CACNA1C: variants seen among roughly 807,000 people sequenced by gnomAD.
CACNA1C encodes the protein calcium voltage-gated channel subunit alpha1 C, also known as voltage-dependent L-type calcium channel subunit alpha-1C.
CACNA1C carries 30 observed loss-of-function variants against 229.0 expected under a neutral mutation model. The ratio of observed to expected loss-of-function variants is 0.13; its 90% CI spans 0.10 to 0.18. CACNA1C has a LOEUF of 0.18. Ranked by LOEUF, CACNA1C falls within the 10% of genes least tolerant of loss-of-function variation. The pLI is 1.00. For missense variants in CACNA1C, 1,658 were observed against 2,845.0 expected, an observed-to-expected ratio of 0.58 and a Z score of 9.49; for synonymous variants, 1,114 against 1,132.5, an observed-to-expected ratio of 0.98 and a Z score of 0.33.
At chr12:2,306,668 C>T (rs1471169918) in intron 3 of CACNA1C, among the ~76,000 whole-genome samples, 3 of 152,110 alleles carry the variant, frequency 2.0e-5, no homozygotes, top group Middle Eastern at 3.2e-3. Context: ...TTTCAAAGAA[C>T]GCTGGATAAA....
At chr12:2,138,105 C>T (rs148678524) in intron 3 of CACNA1C, among the ~76,000 whole-genome samples, 2 of 151,592 alleles carry the variant, frequency 1.3e-5, no homozygotes, top group East Asian at 3.9e-4. Flanking sequence ...GGGAAAACCC[C>T]AGGGCTTTTA....
At chr12:2,251,778 T>C (rs2075689404) in intron 3 of CACNA1C, among the ~76,000 whole-genome samples, 1 of 152,108 alleles carries the variant, frequency 6.6e-6, no homozygotes, top group Admixed American at 6.5e-5. Flanking sequence ...GAAGCGAAAA[T>C]GTTTCGGAAA....
At chr12:2,682,795 CAG>C in intron 43 of CACNA1C, 117 bp downstream of exon 43, 1 of 962,952 alleles carries the variant, frequency 1.0e-6, no homozygotes, top group Non-Finnish European at 1.4e-6. Flanking sequence ...GAGGAGATCA[CAG>C]AGAAAACATC....
At chr12:2,016,585 C>T (rs183532744) in intron 1 of CACNA1C, among the ~76,000 whole-genome samples, 58 of 152,230 alleles carry the variant, frequency 3.8e-4, no homozygotes, top group Admixed American at 1.2e-3. Context: ...GCTGCCACCA[C>T]GCCTGGCTAA....
chr12:2,223,709 T>C (rs1462530403), intron 3 of CACNA1C, among the ~76,000 whole-genome samples: 8 of 152,188 alleles, frequency 5.3e-5, no homozygotes, highest in Admixed American at 5.2e-4. Flanking sequence ...TATAGAGTTG[T>C]TTTGCCAGTG....
At chr12:2,341,502 CG>C (rs1478729555) in intron 3 of CACNA1C, among the ~76,000 whole-genome samples, 3 of 152,118 alleles carry the variant, frequency 2.0e-5, no homozygotes, top group African/African-American at 7.2e-5. Context: ...CAGTGCTGTG[CG>C]GGCCCTGCGT....
At chr12:2,301,599 T>C (rs2094565241) in intron 3 of CACNA1C, among the ~76,000 whole-genome samples, 1 of 152,198 alleles carries the variant, frequency 6.6e-6, no homozygotes, top group South Asian at 2.1e-4. Context: ...GAAGAAGTCC[T>C]CTTTAGAGCC....
chr12:2,680,322 A>G, intron 42 of CACNA1C: 1 of 1,408,162 alleles, frequency 7.1e-7, no homozygotes, highest in Non-Finnish European at 9.6e-7. Context: ...CTTACTCCTG[A>G]CTCACTCTTT....
At position 2,090,607 on chromosome 12, in the gene CACNA1C, C is replaced by T. The variant is rs540616532; in HGVS notation, c.50-24617C>T. On this transcript the variant is annotated intron_variant, in intron 1 of 46. Transcript: ENST00000399655. ...TGCTGGGATTACAGGCATGAGCCAC[C>T]GTGCCCAGCCACGGATAGATTATAT... Among the ~76,000 whole-genome samples, 9 of 152,224 alleles carry T rather than the reference C, an allele frequency of 5.9e-5. No individual in the cohort carries two copies. The South Asian group carries it at 8.3e-4, about 14-fold the overall frequency.
At chr12:2,592,217 A>G (rs554830926) in intron 18 of CACNA1C, among the ~76,000 whole-genome samples, 1 of 152,322 alleles carries the variant, frequency 6.6e-6, no homozygotes, top group Admixed American at 6.5e-5. Flanking sequence ...TTGAGCATTA[A>G]TTTACAGGCT....
intron 3 of CACNA1C, among the ~76,000 whole-genome samples, chr12:2,128,782 C>T (rs2091212687): frequency 6.6e-6 from 1 of 152,256 alleles, no homozygotes; most frequent in African/African-American, 2.4e-5. Flanking sequence ...TATGACTTCA[C>T]ACCATGTGCA....
Position 2,541,947 on chromosome 12 carries a change from C to T in CACNA1C, c.1391-7996C>T, listed in dbSNP as rs73046298. 6.1e-3 allele frequency among the ~76,000 whole-genome samples: 923 copies of T among 152,224 alleles called. 3 individuals carry two copies. Among genetic ancestry groups the T allele is most frequent in the South Asian group, 0.022 (104 of 4,822 alleles). On this transcript the variant is annotated intron_variant, in intron 9 of 46. Coordinates refer to ENST00000399655, the MANE Select transcript of CACNA1C (RefSeq NM_000719.7). The stretch of plus-strand genomic sequence containing the variant: ...TCATGACGCATAAAAAGCTCCGAGA[C>T]GGGGGCCTCAGGAACAGGCCGGATA...
At chr12:2,242,149 T>A (rs1022077007) in intron 3 of CACNA1C, among the ~76,000 whole-genome samples, 2 of 152,188 alleles carry the variant, frequency 1.3e-5, no homozygotes, top group Non-Finnish European at 2.9e-5. Flanking sequence ...CCAGCCATAC[T>A]TTGCTCTTGC....
chr12:2,004,344 G>A (rs1389363586), intron 1 of CACNA1C: 6 of 1,613,264 alleles, frequency 3.7e-6, no homozygotes, highest in African/African-American at 2.7e-5. Flanking sequence ...TCCACGATGC[G>A]GTTGATATAG....
At chr12:2,317,580 T>C (rs2154492313) in intron 3 of CACNA1C, among the ~76,000 whole-genome samples, 1 of 152,342 alleles carries the variant, frequency 6.6e-6, no homozygotes, top group East Asian at 1.9e-4. Flanking sequence ...TGCAGAGCAA[T>C]TTGAGTGTAT....
At chr12:2,345,226 G>A (rs1369721970) in intron 3 of CACNA1C, among the ~76,000 whole-genome samples, 5 of 151,972 alleles carry the variant, frequency 3.3e-5, no homozygotes, top group Non-Finnish European at 5.9e-5. Flanking sequence ...ATGTGAGAGA[G>A]TCTATGGGGC....
At chr12:2,550,457 A>C (rs2099896848) in intron 10 of CACNA1C, 2 of 1,130,974 alleles carry the variant, frequency 1.8e-6, no homozygotes, top group Admixed American at 4.7e-5. Flanking sequence ...GATAAATGTG[A>C]CCTGGGAGAG....
At chr12:2,675,015 T>C (rs1323272155) in intron 39 of CACNA1C, among the ~76,000 whole-genome samples, 2 of 152,166 alleles carry the variant, frequency 1.3e-5, no homozygotes, top group Admixed American at 1.3e-4. Flanking sequence ...GTAGGATTGC[T>C]CTAAGGCCCT....
intron 3 of CACNA1C, among the ~76,000 whole-genome samples, chr12:2,265,720 G>A (rs1033426260): frequency 6.6e-6 from 1 of 152,226 alleles, no homozygotes; most frequent in Non-Finnish European, 1.5e-5. Context: ...TAGCAAGGAT[G>A]AAGACGCGGG....
Sources: allele counts gnomAD v4.1 joint callset (sites outside exome capture counted in the v4.1 genomes callset), GRCh38; gene constraint gnomAD v4.1.1; transcripts MANE v1.5; gene names NCBI Gene and HGNC (gene_info 2026-07-23, HGNC 2026-07-21).